Variants in ZZEF1 observed in about 807,000 individuals in gnomAD.
ZZEF1 encodes the protein zinc finger ZZ-type and EF-hand domain-containing protein 1.
ZZEF1 carries 157 observed loss-of-function variants against 342.8 expected under a neutral mutation model. That is an observed-to-expected ratio of 0.46 (90% CI 0.40 to 0.52). The LOEUF is 0.52. Among genes scored for constraint, ZZEF1 ranks in the 20% least tolerant of loss-of-function variants. The pLI is 0.00. For missense variants in ZZEF1, 3,480 were observed against 3,725.6 expected, an observed-to-expected ratio of 0.93 and a Z score of 1.72; for synonymous variants, 1,505 against 1,429.1, an observed-to-expected ratio of 1.05 and a Z score of -1.20.
intron 11 of ZZEF1, among the ~76,000 whole-genome samples, chr17:4,091,843 G>A (rs2057948497): frequency 6.6e-6 from 1 of 151,670 alleles, no homozygotes; most frequent in Admixed American, 6.6e-5. Context: ...TTGGGAGGCT[G>A]AGGCAGGCAG....
rs765556056 is a variant in ZZEF1, at chr17:4,142,502, CCG to C, written c.354+38_354+39del. On this transcript the variant is annotated intron_variant, in intron 1 of 54. Transcript: ENST00000381638. ...TCTTCCTTCAGTCCCCTGGGGGCGA[CCG>C]CCCTGCCCCATCCCCGCAGTCGCCT... 20 of 1,578,436 alleles carry C rather than the reference CCG, an allele frequency of 1.3e-5. No homozygotes were observed. The South Asian group carries it at 2.1e-4, about 17-fold the overall frequency.
At chr17:4,020,513 T>A (rs759705943) in intron 45 of ZZEF1, among the ~76,000 whole-genome samples, 18 of 152,098 alleles carry the variant, frequency 1.2e-4, no homozygotes, top group Non-Finnish European at 2.2e-4. Context: ...CTAGTCTTAT[T>A]TTTTGTAGAG....
intron 40 of ZZEF1, 182 bp from the exon 41 acceptor site, chr17:4,033,184 T>A: frequency 1.7e-6 from 1 of 588,090 alleles, no homozygotes; most frequent in Non-Finnish European, 2.9e-6. Context: ...AATCAAGACT[T>A]GTTACTTACA....
chr17:4,020,115 A>AAGTTTGACAACTAGCG, intron 45 of ZZEF1: 1 of 195,158 alleles, frequency 5.1e-6, no homozygotes, highest in Non-Finnish European at 1.0e-5. Context: ...ACTAGCGCAT[A>AAGTTTGACAACTAGCG]CATAGGCACT....
intron 1 of ZZEF1, among the ~76,000 whole-genome samples, chr17:4,125,576 G>C (rs2058560527): frequency 1.3e-5 from 2 of 152,188 alleles, no homozygotes; most frequent in African/African-American, 4.8e-5. Flanking sequence ...TATCCAAAAA[G>C]TTAATAGGAT....
Position 4,014,638 on chromosome 17 carries a change from G to T in ZZEF1, c.8146-123C>A. ...TGAGAATGAGTGAACCACAGCCCTG[G>T]CCTCCAGGAGTGCAGAGTCCAGCTA... is the stretch of plus-strand genomic sequence containing the variant. On this transcript the variant is annotated intron_variant, in intron 49 of 54. Coordinates refer to ENST00000381638, the MANE Select transcript of ZZEF1 (RefSeq NM_015113.4). The surrounding 1 kb of genome is among the most constrained non-coding windows in gnomAD (Gnocchi z 4.4). 3.0e-6 allele frequency: 3 copies of T among 1,006,826 alleles called. No individual in the cohort carries two copies. Among genetic ancestry groups the T allele is most frequent in the African/African-American group, 1.6e-5 (1 of 63,246 alleles). 62.4% of individuals were successfully genotyped at this position (1,006,826 alleles called of 1,614,324 possible).
intron 19 of ZZEF1, among the ~76,000 whole-genome samples, chr17:4,077,392 T>C (rs1262468897): frequency 1.3e-5 from 2 of 152,146 alleles, no homozygotes; most frequent in African/African-American, 4.8e-5. Context: ...GGGACCAAGT[T>C]TGATGGAACT....
chr17:4,054,757 T>C (rs2057120805), intron 33 of ZZEF1, among the ~76,000 whole-genome samples: 1 of 152,002 alleles, frequency 6.6e-6, no homozygotes, highest in South Asian at 2.1e-4. Context: ...CGGACTGGAG[T>C]GCTCTTCTGG....
Position 4,081,475 on chromosome 17 carries a change from G to C in ZZEF1, c.2730C>G (p.Gly910=), listed in dbSNP as rs550728461. The C allele has an allele frequency of 2.5e-6, 4 of 1,613,944 alleles. No individual in the cohort carries two copies. In the South Asian group the frequency reaches 4.4e-5, roughly 18 times the overall value. ...LCTYFSDKDP[G]GLLLLPEKND... is the part of the protein sequence containing the mutation. Reference sequence around the variant, plus strand: ...TCTTCTCAGGTAAAAGAAGAAGGCCGCCTGGATCCTTGTCACTGAAAGGAT... The same window carrying C: ...TCTTCTCAGGTAAAAGAAGAAGGCCCCCTGGATCCTTGTCACTGAAAGGAT... The change falls in exon 18 of 55, where the codon GGC becomes GGG. Residue 910 remains glycine (G), a synonymous_variant. Transcript: ENST00000381638.
At chr17:4,079,289 CA>C (rs2057679505) in intron 18 of ZZEF1, among the ~76,000 whole-genome samples, 1 of 152,108 alleles carries the variant, frequency 6.6e-6, no homozygotes, top group African/African-American at 2.4e-5. Context: ...GTTTTCTGCC[CA>C]ATGGCACTGA....
At chr17:4,011,129 C>T (rs113973680) in intron 52 of ZZEF1, among the ~76,000 whole-genome samples, 19 of 151,830 alleles carry the variant, frequency 1.3e-4, no homozygotes, top group East Asian at 3.9e-4. Context: ...TGGCCAGGAG[C>T]GGTGGCTCAT....
chr17:4,032,362 C>A (rs921293450), intron 41 of ZZEF1, 104 bp from the exon 42 acceptor site: 2 of 1,220,832 alleles, frequency 1.6e-6, no homozygotes, highest in Non-Finnish European at 2.3e-6. Context: ...CTGATTTCAA[C>A]AAGCACGCAA....
In ZZEF1 at chr17:4,072,745, T is replaced by A. The variant is rs777839883; in HGVS notation, c.3697A>T (p.Asn1233Tyr). The change falls in exon 25 of 55, where the codon AAC (asparagine) becomes TAC (tyrosine). Residue 1233 changes from asparagine (N) to tyrosine (Y), a missense_variant. Physicochemically the swap from Asn to Tyr is moderately radical, Grantham distance 143. Coordinates refer to ENST00000381638, the MANE Select transcript of ZZEF1 (RefSeq NM_015113.4). The part of the protein sequence containing the change: ...ALKSVRQLGS[N>Y]MVVPQAKMAL... ...ATTTTTGCCTGAGGTACTACCATGT[T>A]ACTTCCTAACTCTAGAAAGAGAAGA... 6.2e-7 allele frequency: 1 copy of A among 1,612,464 alleles called. No individual in the cohort carries two copies. The highest frequency in any genetic ancestry group is 2.2e-5 in the East Asian group (1 of 44,856).
chr17:4,064,310 G>C, intron 29 of ZZEF1, 51 bp downstream of exon 29: 2 of 1,421,326 alleles, frequency 1.4e-6, no homozygotes, highest in Non-Finnish European at 1.9e-6. Context: ...ACTAGACTGG[G>C]TACCTACGGC....
chr17:4,076,335 G>A (rs373691188), intron 21 of ZZEF1: 7 of 173,978 alleles, frequency 4.0e-5, no homozygotes, highest in Non-Finnish European at 6.2e-5. Context: ...GGGTTTCACC[G>A]TGTTAGCCAG....
chr17:4,068,579 C>T (rs557217204), intron 26 of ZZEF1, among the ~76,000 whole-genome samples: 3 of 152,306 alleles, frequency 2.0e-5, no homozygotes, highest in South Asian at 2.1e-4. Flanking sequence ...AAAGCCACTG[C>T]ACCCAGCCTA....
intron 2 of ZZEF1, among the ~76,000 whole-genome samples, chr17:4,121,756 C>T (rs2058487099): frequency 2.0e-5 from 3 of 151,260 alleles, no homozygotes; most frequent in South Asian, 4.2e-4. Context: ...CAGGGTCTCG[C>T]TCTATCACAG....
At chr17:4,112,472 A>T in intron 5 of ZZEF1, 137 bp downstream of exon 5, 1 of 914,794 alleles carries the variant, frequency 1.1e-6, no homozygotes, top group Non-Finnish European at 1.7e-6. Context: ...TACAACACTT[A>T]ATGAATGAAA....
chr17:4,114,287 T>A lies in ZZEF1; in HGVS notation c.866+12A>T. Reference sequence around the variant, plus strand: ...AATTTTAAAAAACAAAAAAGTATTATATACCACCCACCGAATCCAGTGTGA... The same window carrying A: ...AATTTTAAAAAACAAAAAAGTATTAAATACCACCCACCGAATCCAGTGTGA... On this transcript the variant is annotated intron_variant, in intron 4 of 54. Coordinates refer to ENST00000381638, the MANE Select transcript of ZZEF1 (RefSeq NM_015113.4). The A allele has an allele frequency of 6.4e-7, 1 of 1,566,100 alleles. No individual in the cohort carries two copies. The highest frequency in any genetic ancestry group is 8.6e-7 in the Non-Finnish European group (1 of 1,160,354).
Sources: allele counts gnomAD v4.1 joint callset (sites outside exome capture counted in the v4.1 genomes callset), GRCh38; gene constraint gnomAD v4.1.1; non-coding constraint Gnocchi (gnomAD v3.1); transcripts MANE v1.5; gene names NCBI Gene and HGNC (gene_info 2026-07-23, HGNC 2026-07-21).